Variants in NOTCH4 observed in about 807,000 individuals in gnomAD.
The protein encoded by NOTCH4 is neurogenic locus notch homolog protein 4.
NOTCH4 carries 138 observed loss-of-function variants against 189.0 expected under a neutral mutation model. The ratio of observed to expected loss-of-function variants is 0.73; its 90% CI spans 0.64 to 0.84. The LOEUF is 0.84. NOTCH4 is among the 40% of genes least tolerant of loss of function. The probability of loss-of-function intolerance (pLI) is 0.00; values close to 1 mark genes in which losing one functional copy is unlikely to be tolerated. For synonymous variants in NOTCH4, 942 were observed against 1,032.8 expected (o/e 0.91, Z 1.69); for missense variants, 2,286 against 2,605.4 (o/e 0.88, Z 2.67).
rs1788944377 is a variant in NOTCH4 at position 32,210,522 on chromosome 6, G to A, written c.2865+230C>T. 6.6e-6 allele frequency among the ~76,000 whole-genome samples: 1 copy of A among 152,204 alleles called. No homozygotes were observed. Among genetic ancestry groups the A allele is most frequent in the Admixed American group, 6.5e-5 (1 of 15,280 alleles). On this transcript the variant is annotated intron_variant, in intron 18 of 29. Transcript: ENST00000375023. The surrounding 1 kb of genome is among the most constrained non-coding windows in gnomAD (Gnocchi z 4.8). ...GCTGATGCAAGTATCTATCTGGAAC[G>A]CAACAAAGGTCAGGACTCAGGCAGT...
At chr6:32,215,510 T>G in intron 11 of NOTCH4, 125 bp from the exon 12 acceptor site, 1 of 923,102 alleles carries the variant, frequency 1.1e-6, no homozygotes. Context: ...TATGAACCCA[T>G]GAACCTGTCC....
rs1392731379 is a variant in NOTCH4 at position 32,199,900 on chromosome 6, A to G, written c.4316-755T>C. Among the ~76,000 whole-genome samples, 1 of 151,944 alleles carries G rather than the reference A, an allele frequency of 6.6e-6. No individual in the cohort carries two copies. The highest frequency in any genetic ancestry group is 1.5e-5 in the Non-Finnish European group (1 of 68,018). On this transcript the variant is annotated intron_variant, in intron 23 of 29. Coordinates refer to ENST00000375023, the MANE Select transcript of NOTCH4 (RefSeq NM_004557.4). The surrounding 1 kb of genome is among the most constrained non-coding windows in gnomAD (Gnocchi z 4.9). ...TCTCAGAAAACAAACACACAAAAAA[A>G]GGCTGAGTATCCATAACCCCAATCC...
rs1788144510 is a variant in NOTCH4 at position 32,198,821 on chromosome 6, C to T, written c.4536-91G>A. 4.8e-6 allele frequency: 7 copies of T among 1,468,054 alleles called. No individual in the cohort carries two copies. The highest frequency in any genetic ancestry group is 3.9e-5 in the South Asian group (3 of 76,332). The allele number at this position is 1,468,054 out of a possible 1,614,324, so 90.9% of individuals were successfully genotyped here. ...GCAGGCTTCCCACCCCTCTCTCCTT[C>T]CCCTATCTTTGACTTCTGCAATAGT... On this transcript the variant is annotated intron_variant, in intron 24 of 29. Transcript: ENST00000375023. The surrounding 1 kb of genome is among the most constrained non-coding windows in gnomAD (Gnocchi z 5.5).
Position 32,217,184 on chromosome 6 carries a change from C to T in NOTCH4, c.1707G>A (p.Gln569=). Residue 569 remains glutamine, a synonymous_variant, in exon 10 of 30, where the codon CAG becomes CAA. Transcript: ENST00000375023. The surrounding 1 kb of genome is among the most constrained non-coding windows in gnomAD (Gnocchi z 4.2). ...GACACTTGCAGTGGAAGGCTCCAGG[C>T]TGGTCCTGGCACTGCCCACCATTGG... is the stretch of plus-strand genomic sequence containing the variant. ...PCANGGQCQD[Q]PGAFHCKCLP... 1 of 1,613,020 alleles carries T rather than the reference C, an allele frequency of 6.2e-7. No homozygotes were observed. Among genetic ancestry groups the T allele is most frequent in the Non-Finnish European group, 8.5e-7 (1 of 1,179,938 alleles).
chr6:32,197,402 G>A lies in NOTCH4; in HGVS notation c.4949C>T (p.Ala1650Val), dbSNP rs780794158. Residue 1650 changes from alanine to valine, a missense_variant, in exon 27 of 30, where the codon GCC (alanine) becomes GTC (valine). Ala to Val is a moderately conservative substitution (Grantham distance 64). This residue lies in a region of NOTCH4 where 1,903 missense variants were observed against 2,261.9 expected (regional missense o/e 0.84). Transcript: ENST00000375023. ...GGCTCCAGCCTCAAGGAGGCGGCGG[G>A]CAGCGGTTGGCCGGGAGAATCGGGC... is the stretch of plus-strand genomic sequence containing the variant. The part of the protein sequence containing the change: ...LAARFSRPTA[A>V]RRLLEAGANP... 4 of 1,541,896 alleles carry A rather than the reference G, an allele frequency of 2.6e-6. No homozygotes were observed. Among genetic ancestry groups the A allele is most frequent in the Non-Finnish European group, 3.5e-6 (4 of 1,143,948 alleles).
chr6:32,203,642 T>C, intron 20 of NOTCH4, 128 bp downstream of exon 20: 3 of 675,316 alleles, frequency 4.4e-6, no homozygotes, highest in Non-Finnish European at 7.4e-6. Context: ...CACTGTGAGC[T>C]TGGCATGGCT....
Position 32,212,743 on chromosome 6 carries a change from T to C in NOTCH4, c.2526+81A>G. 1 of 1,469,102 alleles carries C rather than the reference T, an allele frequency of 6.8e-7. No homozygotes were observed. The highest frequency in any genetic ancestry group is 9.1e-7 in the Non-Finnish European group (1 of 1,094,758). The allele number at this position is 1,469,102 out of a possible 1,614,324, so 91.0% of individuals were successfully genotyped here. ...CTTACTTCAAAAACCTTCTCCTGAATGGCCTGGGACCAGGTGACCCTCCCT... is the reference window on the plus strand; with the variant it reads ...CTTACTTCAAAAACCTTCTCCTGAACGGCCTGGGACCAGGTGACCCTCCCT... On this transcript the variant is annotated intron_variant, in intron 16 of 29. Transcript: ENST00000375023. This position sits in a 1 kb window ranked among gnomAD's most constrained non-coding sequence, Gnocchi z 4.4.
In NOTCH4 at chr6:32,221,524, C is replaced by G. The variant is rs1241254182; in HGVS notation, c.452-199G>C. On this transcript the variant is annotated intron_variant, in intron 3 of 29. Coordinates refer to ENST00000375023, the MANE Select transcript of NOTCH4 (RefSeq NM_004557.4). This position sits in a 1 kb window ranked among gnomAD's most constrained non-coding sequence, Gnocchi z 4.3. ...CTTGGGAGGGTTTATCTGGAGTGAC[C>G]ATATCTTCTAAAGTGATGATGAGAG... Among the ~76,000 whole-genome samples, 1 of 152,112 alleles carries G rather than the reference C, an allele frequency of 6.6e-6. No individual in the cohort carries two copies. The highest frequency in any genetic ancestry group is 1.9e-4 in the East Asian group (1 of 5,190).
chr6:32,204,385 G>C lies in NOTCH4; in HGVS notation c.2870C>G (p.Ala957Gly). 1 of 1,612,728 alleles carries C rather than the reference G, an allele frequency of 6.2e-7. No individual in the cohort carries two copies. The change falls in exon 19 of 30, where the codon GCC (alanine) becomes GGC (glycine). Residue 957 changes from alanine to glycine, a missense_variant. Physicochemically the swap from Ala to Gly is moderately conservative, Grantham distance 60. Coordinates refer to ENST00000375023, the MANE Select transcript of NOTCH4 (RefSeq NM_004557.4). ...GCAGTTCTGTCCATCGTAGCCTGGG[G>C]CACACTGCAGACAAAGAGGATTAGA... Reference protein sequence around the residue: ...AQPSGYLCQCAPGYDGQNCSK... With the variant: ...AQPSGYLCQCGPGYDGQNCSK...
At position 32,221,037 on chromosome 6, in the gene NOTCH4, C is replaced by T. The variant is rs754461878; in HGVS notation, c.740G>A (p.Gly247Asp). 2 of 1,610,400 alleles carry T rather than the reference C, an allele frequency of 1.2e-6. No homozygotes were observed. Among genetic ancestry groups the T allele is most frequent in the South Asian group, 1.1e-5 (1 of 90,990 alleles). ...TTTCTCTGGCATCAGCTGGCAGGTG[C>T]CCCCATTCGAACAGCCCCTAGGAGG... ...PCPPRGCSNG[G>D]TCQLMPEKDS... The change falls in exon 4 of 30, where the codon GGC becomes GAC. Residue 247 changes from glycine (G) to aspartate (D), a missense_variant. Gly to Asp is a moderately conservative substitution (Grantham distance 94, BLOSUM62 -1). Coordinates refer to ENST00000375023, the MANE Select transcript of NOTCH4 (RefSeq NM_004557.4). This position sits in a 1 kb window ranked among gnomAD's most constrained non-coding sequence, Gnocchi z 4.3.
rs1350404656 is a variant in NOTCH4 at position 32,217,139 on chromosome 6, G to A, written c.1738+14C>T. ...CTGCTCCCGCTGTCCCCCACAGTGT[G>A]TGCCCCAGTTTACCTGGGAGACACT... On this transcript the variant is annotated intron_variant, in intron 10 of 29. Coordinates refer to ENST00000375023, the MANE Select transcript of NOTCH4 (RefSeq NM_004557.4). This position sits in a 1 kb window ranked among gnomAD's most constrained non-coding sequence, Gnocchi z 4.2. 6.2e-7 allele frequency: 1 copy of A among 1,612,848 alleles called. No individual in the cohort carries two copies. Among genetic ancestry groups the A allele is most frequent in the East Asian group, 2.2e-5 (1 of 44,884 alleles).
chr6:32,199,049 A>C lies in NOTCH4; in HGVS notation c.4412T>G (p.Ile1471Ser). Reference sequence around the variant, plus strand: ...TCCATGCTCTCGGCGTCGACGCCGGATGAGCTGGAGGACGAGAAGAGCCCC... The same window carrying C: ...TCCATGCTCTCGGCGTCGACGCCGGCTGAGCTGGAGGACGAGAAGAGCCCC... ...ALGALLVLQL[I>S]RRRRREHGAL... Residue 1471 changes from isoleucine to serine, a missense_variant, in exon 24 of 30, where the codon ATC becomes AGC. Transcript: ENST00000375023. This position sits in a 1 kb window ranked among gnomAD's most constrained non-coding sequence, Gnocchi z 4.9. 6.2e-7 allele frequency: 1 copy of C among 1,612,894 alleles called. No individual in the cohort carries two copies. Among genetic ancestry groups the C allele is most frequent in the Non-Finnish European group, 8.5e-7 (1 of 1,179,924 alleles).
At chr6:32,204,881 C>T (rs1001541591) in intron 18 of NOTCH4, among the ~76,000 whole-genome samples, 11 of 152,144 alleles carry the variant, frequency 7.2e-5, no homozygotes, top group Admixed American at 5.9e-4. Flanking sequence ...CCCCTAATGA[C>T]ATTTTATTTG....
intron 18 of NOTCH4, among the ~76,000 whole-genome samples, chr6:32,205,019 A>G (rs1269815213): frequency 6.6e-6 from 1 of 152,188 alleles, no homozygotes; most frequent in East Asian, 1.9e-4. Flanking sequence ...ACTCCAAACC[A>G]ATGCTCTTAA....
chr6:32,195,781 C>T lies in NOTCH4; in HGVS notation c.5668G>A (p.Gly1890Arg), dbSNP rs200223154. The change falls in exon 30 of 30, where the codon GGG becomes AGG. Residue 1890 changes from glycine (G) to arginine (R), a missense_variant. Physicochemically the swap from Gly to Arg is moderately radical, Grantham distance 125 (BLOSUM62 -2). Around this residue, in one of 2 missense-constraint regions of NOTCH4, gnomAD observed 383 missense variants for 343.5 expected, o/e 1.11. Transcript: ENST00000375023. This position sits in a 1 kb window ranked among gnomAD's most constrained non-coding sequence, Gnocchi z 5.4. Reference sequence around the variant, plus strand: ...CGGCAATGAGAATAGGCCCCGCCCCCCCGCGCAGCCAAGTCTACGGACCAA... The same window carrying T: ...CGGCAATGAGAATAGGCCCCGCCCCTCCGCGCAGCCAAGTCTACGGACCAA... ...RTWSVDLAAR[G>R]GGAYSHCRSL... The T allele has an allele frequency of 1.9e-6, 3 of 1,607,342 alleles. No individual in the cohort carries two copies. Among genetic ancestry groups the T allele is most frequent in the South Asian group, 2.2e-5 (2 of 90,994 alleles).
At position 32,216,958 on chromosome 6, in the gene NOTCH4, G is replaced by A. The variant is rs746976969; in HGVS notation, c.1848C>T (p.Pro616=). ...TCCCCTGTGAACCTGTGAAACCAGA[G>A]GGGCAGAGGCAAAAGAAGGCTCCTG... ...DLPGAFFCLC[P]SGFTGQLCEV... Residue 616 remains proline, a synonymous_variant, in exon 11 of 30, where the codon CCC becomes CCT. Coordinates refer to ENST00000375023, the MANE Select transcript of NOTCH4 (RefSeq NM_004557.4). 5 of 1,613,118 alleles carry A rather than the reference G, an allele frequency of 3.1e-6. No individual in the cohort carries two copies. The highest frequency in any genetic ancestry group is 3.4e-6 in the Non-Finnish European group (4 of 1,180,032).
chr6:32,197,106 A>G, intron 27 of NOTCH4, 34 bp from the exon 28 acceptor site: 1 of 1,606,874 alleles, frequency 6.2e-7, no homozygotes, highest in Non-Finnish European at 8.5e-7. Context: ...CCCCTGGGGT[A>G]CCTTGGACTG....
chr6:32,196,849 C>T, intron 28 of NOTCH4, 76 bp downstream of exon 28: 1 of 1,555,740 alleles, frequency 6.4e-7, no homozygotes, highest in Non-Finnish European at 8.8e-7. Context: ...CTCTGCTGCA[C>T]CTATATTTTG....
chr6:32,196,201 T>C (rs375037214), intron 29 of NOTCH4, 51 bp from the exon 30 acceptor site: 2 of 1,601,322 alleles, frequency 1.2e-6, no homozygotes, highest in Non-Finnish European at 1.7e-6. Flanking sequence ...CCCACAGGAC[T>C]GGGCCTTTCT....
Sources: allele counts gnomAD v4.1 joint callset (sites outside exome capture counted in the v4.1 genomes callset), GRCh38; gene constraint gnomAD v4.1.1; regional missense constraint gnomAD v4.1.1; non-coding constraint Gnocchi (gnomAD v3.1); transcripts MANE v1.5; gene names NCBI Gene and HGNC (gene_info 2026-07-23, HGNC 2026-07-21).